Variants in HSD17B12 observed in about 807,000 individuals in gnomAD.
HSD17B12 encodes very-long-chain 3-oxoacyl-CoA reductase.
A neutral mutation model predicts 39.3 loss-of-function variants in HSD17B12; 32 were observed. The ratio of observed to expected loss-of-function variants is 0.81; its 90% CI spans 0.61 to 1.09. The LOEUF (loss-of-function observed/expected upper bound fraction) is 1.09, where lower values mean the gene tolerates loss of function less well. HSD17B12 is among the 50% of genes least tolerant of loss of function. HSD17B12 has a pLI of 0.00. For synonymous variants in HSD17B12, 150 were observed against 146.7 expected, an observed-to-expected ratio of 1.02 and a Z score of -0.16; for missense variants, 342 against 382.9, an observed-to-expected ratio of 0.89 and a Z score of 0.89.
At chr11:43,733,932 C>T in intron 1 of HSD17B12, 2 of 694,206 alleles carry the variant, frequency 2.9e-6, no homozygotes, top group Admixed American at 2.0e-5. Context: ...ACTTTCTCAT[C>T]CCATGGGTAC....
chr11:43,668,312 A>C, the HSD17B12 span, among the ~76,000 whole-genome samples: 1 of 152,146 alleles, frequency 6.6e-6, no homozygotes, highest in African/African-American at 2.4e-5. Flanking sequence ...TCAGACCAGC[A>C]ATGTTGCATC....
chr11:43,581,637 A>T, the HSD17B12 span, among the ~76,000 whole-genome samples: 4 of 151,978 alleles, frequency 2.6e-5, no homozygotes, highest in South Asian at 8.3e-4. The surrounding 1 kb of genome is among the most constrained non-coding windows in gnomAD (Gnocchi z 4.9). Context: ...GGCTTTGGTC[A>T]CCTGTCTTCC....
intron 1 of HSD17B12, among the ~76,000 whole-genome samples, chr11:43,741,734 C>CTTTTTTTTTTTT (rs534584200): frequency 9.2e-5 from 12 of 130,484 alleles, no homozygotes; most frequent in Non-Finnish European, 1.3e-4. Context: ...TTTTCTTTTT[C>CTTTTTTTTTTTT]TTTTTTTTTT....
At chr11:43,559,411 T>C in the HSD17B12 span, among the ~76,000 whole-genome samples, 1 of 152,208 alleles carries the variant, frequency 6.6e-6, no homozygotes, top group African/African-American at 2.4e-5. Flanking sequence ...CGGAGATCCA[T>C]GGAAAGACCA....
intron 1 of HSD17B12, chr11:43,733,870 A>T (rs1396179803): frequency 4.4e-6 from 3 of 678,442 alleles, no homozygotes; most frequent in Non-Finnish European, 8.2e-6. Flanking sequence ...CAGAGCTGCG[A>T]TCTTTGACCA....
chr11:43,610,087 C>T, the HSD17B12 span, among the ~76,000 whole-genome samples: 1 of 152,078 alleles, frequency 6.6e-6, no homozygotes, highest in Non-Finnish European at 1.5e-5. Flanking sequence ...GTTTTCCCAC[C>T]CCTTTTCCCT....
the HSD17B12 span, among the ~76,000 whole-genome samples, chr11:43,619,221 T>TAA: frequency 5.3e-5 from 2 of 37,488 alleles, no homozygotes; most frequent in African/African-American, 1.0e-4. Context: ...ATAAAATATA[T>TAA]ATATATGATA....
intron 3 of HSD17B12, among the ~76,000 whole-genome samples, chr11:43,768,483 T>C (rs541853515): frequency 2.6e-4 from 40 of 152,046 alleles, no homozygotes; most frequent in Admixed American, 9.2e-4. Flanking sequence ...GGTGGGTTCT[T>C]GGTCTCACTG....
chr11:43,771,358 CAAT>C (rs1950647003), intron 3 of HSD17B12, among the ~76,000 whole-genome samples: 1 of 151,068 alleles, frequency 6.6e-6, no homozygotes, highest in Non-Finnish European at 1.5e-5. Flanking sequence ...TGGCTATTAT[CAAT>C]AACGTGACTA....
chr11:43,849,587 C>G (rs1281493483), intron 9 of HSD17B12, among the ~76,000 whole-genome samples: 1 of 152,224 alleles, frequency 6.6e-6, no homozygotes, highest in Non-Finnish European at 1.5e-5. Context: ...AACTCCATCT[C>G]TTTGTTCAGA....
intron 3 of HSD17B12, among the ~76,000 whole-genome samples, chr11:43,763,933 A>G (rs1950574946): frequency 6.6e-6 from 1 of 152,118 alleles, no homozygotes. Flanking sequence ...CATTGTTGAT[A>G]CCACGTTTGT....
chr11:43,822,082 T>A (rs1413993234), intron 6 of HSD17B12, among the ~76,000 whole-genome samples: 1 of 152,102 alleles, frequency 6.6e-6, no homozygotes, highest in Non-Finnish European at 1.5e-5. Context: ...TACAGCTGAA[T>A]CTCTTAGGAA....
In HSD17B12 at chr11:43,856,549, A is replaced by G. The variant is rs1210950938; in HGVS notation, c.*1301A>G. On this transcript the variant is annotated 3_prime_UTR_variant, in exon 11 of 11. Transcript: ENST00000278353. The stretch of plus-strand genomic sequence containing the variant: ...AAAATATATTTTAGCCCCTAAAATT[A>G]GGAAGAATGTAATCTCAGAATAAAG... 1 of 152,272 alleles carries G rather than the reference A, an allele frequency of 6.6e-6. No homozygotes were observed. The highest frequency in any genetic ancestry group is 1.5e-5 in the Non-Finnish European group (1 of 68,048). 9.4% of individuals were successfully genotyped at this position (152,272 alleles called of 1,614,324 possible).
At chr11:43,828,877 G>C (rs1951277617) in intron 6 of HSD17B12, among the ~76,000 whole-genome samples, 2 of 152,110 alleles carry the variant, frequency 1.3e-5, no homozygotes, top group Admixed American at 1.3e-4. Flanking sequence ...ATATAACGAA[G>C]CCTCTTAACT....
the HSD17B12 span, among the ~76,000 whole-genome samples, chr11:43,610,469 A>G: frequency 1.3e-5 from 2 of 152,202 alleles, no homozygotes; most frequent in African/African-American, 4.8e-5. Context: ...CTAGCTCAAT[A>G]GGAGTCAAGG....
At chr11:43,745,474 G>A (rs1950404302) in intron 1 of HSD17B12, among the ~76,000 whole-genome samples, 1 of 152,064 alleles carries the variant, frequency 6.6e-6, no homozygotes, top group African/African-American at 2.4e-5. Flanking sequence ...TCATTTAATG[G>A]TGGGGATACA....
At chr11:43,571,547 G>T in the HSD17B12 span, among the ~76,000 whole-genome samples, 2 of 152,290 alleles carry the variant, frequency 1.3e-5, no homozygotes, top group Non-Finnish European at 2.9e-5. Flanking sequence ...GTTCTCCAAG[G>T]TGTCCAGCAG....
In HSD17B12 at chr11:43,802,070, C is replaced by G. The variant is rs1196937496; in HGVS notation, c.391+3643C>G. Among the ~76,000 whole-genome samples, 3 of 152,004 alleles carry G rather than the reference C, an allele frequency of 2.0e-5. No individual in the cohort carries two copies. The East Asian group carries it at 5.8e-4, about 29-fold the overall frequency. On this transcript the variant is annotated intron_variant, in intron 4 of 10. Transcript: ENST00000278353. ...GCGCGATCTCTGCTCACTGCAAGCT[C>G]CATCTCCCAGGTTCACACCATTCTC...
intron 4 of HSD17B12, among the ~76,000 whole-genome samples, chr11:43,810,033 T>A (rs1031889749): frequency 1.2e-4 from 19 of 152,290 alleles, no homozygotes; most frequent in African/African-American, 4.6e-4. Flanking sequence ...TAAACCACCT[T>A]AATTTCCTAT....
Sources: gnomAD v4.1 joint callset for allele counts (sites outside exome capture counted in the v4.1 genomes callset) on GRCh38, gnomAD v4.1.1 for gene constraint, Gnocchi (gnomAD v3.1) non-coding constraint, MANE v1.5 for transcripts, NCBI Gene and HGNC (gene_info 2026-07-23, HGNC 2026-07-21) for gene names.